The following NEK1 variants were observed in gnomAD, a reference collection of about 807,000 sequenced individuals.
The protein encoded by NEK1 is NIMA related kinase 1.
NEK1 carries 137 observed loss-of-function variants against 182.1 expected under a neutral mutation model. The observed-to-expected ratio is 0.75, with a 90% CI of 0.65 to 0.87. The LOEUF is 0.87. NEK1 is among the 40% of genes least tolerant of loss of function. The pLI is 0.00. For missense variants in NEK1, 1,391 were observed against 1,494.4 expected (o/e 0.93, Z 1.14); for synonymous variants, 513 against 492.2 (o/e 1.04, Z -0.56).
rs192904535 is a variant in NEK1, at chr4:169,433,798, C to T, written c.2765-133G>A. 9.5e-6 allele frequency: 8 copies of T among 845,322 alleles called. No individual in the cohort carries two copies. In the East Asian group the frequency reaches 1.9e-4, roughly 20 times the overall value. 52.4% of individuals were successfully genotyped at this position (845,322 alleles called of 1,614,324 possible). On this transcript the variant is annotated intron_variant, in intron 28 of 35. Transcript: ENST00000507142. ...CATTAAAACAGAAAAATTAAGTATT[C>T]TCTCTATAGGGTTTAACTCTTATTG...
chr4:169,393,125 AT>A lies in NEK1; in HGVS notation c.*1384del, dbSNP rs1296742536. 1 of 152,222 alleles carries A rather than the reference AT, an allele frequency of 6.6e-6. No homozygotes were observed. Among genetic ancestry groups the A allele is most frequent in the Non-Finnish European group, 1.5e-5 (1 of 68,034 alleles). 9.4% of individuals were successfully genotyped at this position (152,222 alleles called of 1,614,324 possible). ...CCCAAAATCATGCCCATCTTTCAGGATTGTAAAGAATTAAAATATTGAATTC... is the reference window on the plus strand; with the variant it reads ...CCCAAAATCATGCCCATCTTTCAGGATGTAAAGAATTAAAATATTGAATTC... On this transcript the variant is annotated 3_prime_UTR_variant, in exon 36 of 36. Coordinates refer to ENST00000507142, the MANE Select transcript of NEK1 (RefSeq NM_001199397.3).
chr4:169,602,158 A>C, intron 3 of NEK1, 54 bp from the exon 4 acceptor site: 1 of 1,240,498 alleles, frequency 8.1e-7, no homozygotes. Flanking sequence ...AAACAACCTA[A>C]AAGTCCATCA....
intron 28 of NEK1, among the ~76,000 whole-genome samples, chr4:169,437,187 C>T (rs986785509): frequency 2.7e-5 from 4 of 149,746 alleles, no homozygotes; most frequent in African/African-American, 9.9e-5. Context: ...GGTTGTTTCA[C>T]CATTGTATTT....
intron 29 of NEK1, among the ~76,000 whole-genome samples, chr4:169,430,273 T>C (rs958622781): frequency 3.3e-5 from 5 of 152,042 alleles, no homozygotes; most frequent in Non-Finnish European, 5.9e-5. Context: ...ACCTCTACCA[T>C]TGGTTCAAGT....
chr4:169,551,733 TCTC>T (rs555645175), intron 18 of NEK1, among the ~76,000 whole-genome samples: 3 of 151,856 alleles, frequency 2.0e-5, no homozygotes, highest in African/African-American at 2.4e-5. Context: ...TTCCTAACAC[TCTC>T]CTCCTATACA....
At chr4:169,606,067 AAGG>A (rs1330891651) in intron 2 of NEK1, among the ~76,000 whole-genome samples, 1 of 151,946 alleles carries the variant, frequency 6.6e-6, no homozygotes, top group Non-Finnish European at 1.5e-5. Flanking sequence ...TCTATGACTC[AAGG>A]AGAAGAAAAT....
intron 35 of NEK1, among the ~76,000 whole-genome samples, chr4:169,398,933 A>G (rs1322029671): frequency 6.6e-6 from 1 of 152,182 alleles, no homozygotes; most frequent in African/African-American, 2.4e-5. Context: ...CTTGTTCAAA[A>G]TTTTACATAT....
chr4:169,601,156 A>G (rs1384676963), intron 4 of NEK1, among the ~76,000 whole-genome samples: 1 of 152,186 alleles, frequency 6.6e-6, no homozygotes, highest in African/African-American at 2.4e-5. Flanking sequence ...TAATTGAATC[A>G]CATTTTTATA....
intron 12 of NEK1, among the ~76,000 whole-genome samples, chr4:169,569,568 T>C (rs971253586): frequency 7.3e-5 from 11 of 150,398 alleles, no homozygotes; most frequent in Non-Finnish European, 1.5e-4. Context: ...ACTGCTGCCA[T>C]CTAGGCTCAC....
chr4:169,479,445 T>C lies in NEK1; in HGVS notation c.2097A>G (p.Arg699=), dbSNP rs1355859551. The part of the protein sequence containing the change: ...TGGSPSKQQM[R]SVISVTSALK... ...AAGCTGAAGTTACAGAAATAACAGA[T>C]CTCATCTGTTGCTTTGATGGAGAGC... Residue 699 remains arginine, a synonymous_variant, in exon 24 of 36, where the codon AGA becomes AGG. Transcript: ENST00000507142. 1 of 1,612,228 alleles carries C rather than the reference T, an allele frequency of 6.2e-7. No individual in the cohort carries two copies. Among genetic ancestry groups the C allele is most frequent in the African/African-American group, 1.3e-5 (1 of 74,882 alleles).
At chr4:169,400,019 A>G (rs759855723) in intron 35 of NEK1, 8 of 593,390 alleles carry the variant, frequency 1.3e-5, no homozygotes, top group Non-Finnish European at 2.1e-5. Flanking sequence ...AATTAAAAAT[A>G]TGGACTTAAA....
intron 23 of NEK1, among the ~76,000 whole-genome samples, chr4:169,480,719 T>G (rs1404726476): frequency 6.6e-6 from 1 of 152,106 alleles, no homozygotes; most frequent in African/African-American, 2.4e-5. Context: ...AAAATATTCT[T>G]TTGATTTTGT....
intron 2 of NEK1, among the ~76,000 whole-genome samples, chr4:169,609,987 C>G (rs2150170241): frequency 6.6e-6 from 1 of 151,706 alleles, no homozygotes; most frequent in East Asian, 1.9e-4. Flanking sequence ...TCAAATAAGA[C>G]AGCTTTCCTC....
At chr4:169,475,030 G>A (rs1384777325) in intron 26 of NEK1, among the ~76,000 whole-genome samples, 1 of 152,000 alleles carries the variant, frequency 6.6e-6, no homozygotes, top group East Asian at 1.9e-4. Context: ...CCTGAGAGAG[G>A]GAAAAAACAA....
In NEK1 at chr4:169,610,169, T is replaced by G. The variant is rs574544855; in HGVS notation, c.-49+1851A>C. On this transcript the variant is annotated intron_variant, in intron 2 of 35. Transcript: ENST00000507142. ...GGAGTGTGACACCATACCCAGCTAA[T>G]TTTTGTATTTTTAGTAGAGACGGGG... is the stretch of plus-strand genomic sequence containing the variant. 1.2e-3 allele frequency among the ~76,000 whole-genome samples: 189 copies of G among 152,138 alleles called. 1 individual carries two copies. The highest frequency in any genetic ancestry group is 4.4e-3 in the African/African-American group (182 of 41,492).
rs762293665 is a variant in NEK1 at position 169,555,923 on chromosome 4, T to C, written c.1430+9A>G. ...AAGCATAAGCAACTTCTGCAGAACA[T>C]AGCCATACCTTTCTGGAAGACCTCG... On this transcript the variant is annotated intron_variant, in intron 17 of 35. Coordinates refer to ENST00000507142, the MANE Select transcript of NEK1 (RefSeq NM_001199397.3). 32 of 1,613,526 alleles carry C rather than the reference T, an allele frequency of 2.0e-5. No individual in the cohort carries two copies. The South Asian group carries it at 2.7e-4, about 14-fold the overall frequency.
intron 31 of NEK1, among the ~76,000 whole-genome samples, chr4:169,420,649 G>A (rs1002278354): frequency 6.6e-6 from 1 of 152,142 alleles, no homozygotes; most frequent in African/African-American, 2.4e-5. Context: ...ACTGCCTATA[G>A]TTGTAAGGTT....
chr4:169,445,900 C>T (rs1272987140), intron 27 of NEK1, among the ~76,000 whole-genome samples: 1 of 142,780 alleles, frequency 7.0e-6, no homozygotes, highest in Non-Finnish European at 1.5e-5. Flanking sequence ...ACAAAATGGA[C>T]CATTATTCAG....
chr4:169,511,994 C>T (rs1754268493), intron 19 of NEK1, among the ~76,000 whole-genome samples: 2 of 152,058 alleles, frequency 1.3e-5, no homozygotes, highest in Non-Finnish European at 2.9e-5. Flanking sequence ...TGTTATGATA[C>T]AGTCTTTTCA....
Sources: gnomAD v4.1 joint callset for allele counts (sites outside exome capture counted in the v4.1 genomes callset) on GRCh38, gnomAD v4.1.1 for gene constraint, MANE v1.5 for transcripts, NCBI Gene and HGNC (gene_info 2026-07-23, HGNC 2026-07-21) for gene names.